The following ADGRF3 variants were observed in gnomAD, a reference collection of about 807,000 sequenced individuals.
ADGRF3 encodes the protein adhesion G protein-coupled receptor F3.
In ADGRF3, 85 loss-of-function variants were observed where a neutral mutation model predicts 93.2. The ratio of observed to expected loss-of-function variants is 0.91; its 90% CI spans 0.77 to 1.09. The LOEUF (loss-of-function observed/expected upper bound fraction) is 1.09, where lower values mean the gene tolerates loss of function less well. Ranked by LOEUF, ADGRF3 falls within the 50% of genes least tolerant of loss-of-function variation. The probability of loss-of-function intolerance (pLI) is 0.00; values close to 1 mark genes in which losing one functional copy is unlikely to be tolerated. For missense variants in ADGRF3, 1,125 were observed against 1,246.2 expected, an observed-to-expected ratio of 0.90 and a Z score of 1.46; for synonymous variants, 534 against 532.5, an observed-to-expected ratio of 1.00 and a Z score of -0.04.
intron 1 of ADGRF3, among the ~76,000 whole-genome samples, chr2:26,343,199 T>C (rs1676486640): frequency 6.6e-6 from 1 of 152,152 alleles, no homozygotes; most frequent in Admixed American, 6.5e-5. Flanking sequence ...GGACCACATG[T>C]GGTCCCTCAT....
intron 1 of ADGRF3, chr2:26,319,080 G>T (rs1276833629): frequency 6.5e-7 from 1 of 1,531,828 alleles, no homozygotes; most frequent in South Asian, 1.2e-5. Flanking sequence ...ACAAGCCCAC[G>T]ATGCAAATTT....
chr2:26,343,077 T>C (rs1438124404), intron 1 of ADGRF3, among the ~76,000 whole-genome samples: 2 of 152,166 alleles, frequency 1.3e-5, no homozygotes, highest in Non-Finnish European at 2.9e-5. Context: ...GCGCGGTAGG[T>C]TTGTTTACAC....
rs757002380 is a variant in ADGRF3, at chr2:26,346,193, G to T, written c.42C>A (p.Pro14=). ...RKLSAHSAAT[P]GYKAVTHKHH... ...GCTTGTGTGTCACAGCCTTGTAGCC[G>T]GGAGTCGCTGCCGAGTGGGCGCTCA... The change falls in exon 1 of 14, where the codon CCC becomes CCA. Residue 14 remains proline (P), a synonymous_variant. Coordinates refer to ENST00000651242, the MANE Select transcript of ADGRF3 (RefSeq NM_001321971.2). The T allele has an allele frequency of 1.5e-5, 25 of 1,613,138 alleles. No homozygotes were observed. Among genetic ancestry groups the T allele is most frequent in the Non-Finnish European group, 2.0e-5 (24 of 1,179,540 alleles).
In ADGRF3 at chr2:26,311,642, C is replaced by G; in HGVS notation, c.1882G>C (p.Ala628Pro). The change falls in exon 10 of 14, where the codon GCC (alanine) becomes CCC (proline). Residue 628 changes from alanine to proline, a missense_variant. Ala to Pro is a conservative substitution (Grantham distance 27). Coordinates refer to ENST00000651242, the MANE Select transcript of ADGRF3 (RefSeq NM_001321971.2). ...LVISIMAGDR[A>P]FSQGEVIMDF... ...ATGATGACCTCTCCCTGGCTGAAGGCCCGGTCACCTGCCATGATGGAAATG... is the reference window on the plus strand; with the variant it reads ...ATGATGACCTCTCCCTGGCTGAAGGGCCGGTCACCTGCCATGATGGAAATG... 6.2e-7 allele frequency: 1 copy of G among 1,613,424 alleles called. No homozygotes were observed. The highest frequency in any genetic ancestry group is 8.5e-7 in the Non-Finnish European group (1 of 1,179,898).
intron 1 of ADGRF3, among the ~76,000 whole-genome samples, chr2:26,332,465 C>A (rs932624384): frequency 1.3e-5 from 2 of 152,216 alleles, no homozygotes; most frequent in Non-Finnish European, 2.9e-5. Context: ...TTAGGCCAGG[C>A]ATGGTGGCTC....
intron 6 of ADGRF3, 110 bp from the exon 7 acceptor site, chr2:26,314,013 G>T: frequency 7.2e-7 from 1 of 1,389,032 alleles, no homozygotes; most frequent in Non-Finnish European, 9.9e-7. Context: ...AACAGAGGAA[G>T]CAGTGGGGAA....
chr2:26,338,961 T>C (rs1281648377), intron 1 of ADGRF3, among the ~76,000 whole-genome samples: 7 of 147,886 alleles, frequency 4.7e-5, no homozygotes, highest in Admixed American at 1.4e-4. Context: ...CATGGTGAAA[T>C]CCTGTCTCTA....
intron 1 of ADGRF3, among the ~76,000 whole-genome samples, chr2:26,327,610 G>A (rs1230074690): frequency 6.6e-6 from 1 of 150,860 alleles, no homozygotes; most frequent in Admixed American, 6.6e-5. Context: ...AGAAGTCCAA[G>A]GTTGAGGGGC....
At chr2:26,309,404 C>T (rs1261516281) in intron 13 of ADGRF3, 122 bp downstream of exon 13, 3 of 1,530,258 alleles carry the variant, frequency 2.0e-6, no homozygotes, top group Non-Finnish European at 2.6e-6. Context: ...GTTTCCTACC[C>T]TTTGGTGTGG....
rs565840708 is a variant in ADGRF3, at chr2:26,324,776, A to G, written c.115-7214T>C. On this transcript the variant is annotated intron_variant, in intron 1 of 13. Transcript: ENST00000651242. The stretch of plus-strand genomic sequence containing the variant: ...TTTTGCTACTATGAACAGTGCTGCA[A>G]TGAACATCCACATGCATATGTCTTT... Among the ~76,000 whole-genome samples, 28 of 152,360 alleles carry G rather than the reference A, an allele frequency of 1.8e-4. 1 individual carries two copies. The South Asian group carries it at 5.2e-3, about 28-fold the overall frequency.
At chr2:26,319,619 C>CCT (rs1675026410) in intron 1 of ADGRF3, among the ~76,000 whole-genome samples, 1 of 58,580 alleles carries the variant, frequency 1.7e-5, no homozygotes, top group Non-Finnish European at 3.4e-5. Flanking sequence ...TCCTTCCTTT[C>CCT]TTTCTTTGTT....
rs1205123780 is a variant in ADGRF3, at chr2:26,346,350, G to C, written c.-116C>G. The C allele has an allele frequency of 1.3e-6, 2 of 1,540,464 alleles. No individual in the cohort carries two copies. Among genetic ancestry groups the C allele is most frequent in the Admixed American group, 3.8e-5 (2 of 52,302 alleles). On this transcript the variant is annotated 5_prime_UTR_variant, in exon 1 of 14. Transcript: ENST00000651242. ...CCGGCCTCGCCCAGGCGGCTGAGGG[G>C]CCCGCGCGGCGCGGTCCGTGTCACC... is the stretch of plus-strand genomic sequence containing the variant.
chr2:26,337,420 C>G (rs1676117124), intron 1 of ADGRF3, among the ~76,000 whole-genome samples: 1 of 152,138 alleles, frequency 6.6e-6, no homozygotes, highest in Non-Finnish European at 1.5e-5. Context: ...ATATGGAGAA[C>G]AGTGTGAAAT....
At chr2:26,319,687 TTCTC>T (rs750614389) in intron 1 of ADGRF3, among the ~76,000 whole-genome samples, 5 of 151,218 alleles carry the variant, frequency 3.3e-5, no homozygotes, top group African/African-American at 4.9e-5. Flanking sequence ...CTTTCCTTCT[TTCTC>T]TCTCTCTCGC....
At chr2:26,315,305 A>G (rs886619862) in intron 5 of ADGRF3, among the ~76,000 whole-genome samples, 2 of 152,148 alleles carry the variant, frequency 1.3e-5, no homozygotes, top group African/African-American at 4.8e-5. Flanking sequence ...AATTTTCCAC[A>G]TTGCAATTTT....
chr2:26,334,978 C>A (rs1675956887), intron 1 of ADGRF3, among the ~76,000 whole-genome samples: 1 of 152,062 alleles, frequency 6.6e-6, no homozygotes, highest in Non-Finnish European at 1.5e-5. Flanking sequence ...TTATTTTGTG[C>A]TTTGCTTTTT....
chr2:26,310,259 T>C, intron 10 of ADGRF3, 22 bp from the exon 11 acceptor site: 2 of 1,613,816 alleles, frequency 1.2e-6, no homozygotes, highest in South Asian at 2.2e-5. Flanking sequence ...GACATGGGGA[T>C]AAGCTGGTCA....
At chr2:26,331,402 T>G (rs917360473) in intron 1 of ADGRF3, among the ~76,000 whole-genome samples, 9 of 152,234 alleles carry the variant, frequency 5.9e-5, no homozygotes, top group East Asian at 1.9e-4. Context: ...ACACAAAAAT[T>G]AGCTGGGCGG....
In ADGRF3 at chr2:26,309,083, G is replaced by A. The variant is rs1485948300; in HGVS notation, c.*3C>T. 2 of 1,613,912 alleles carry A rather than the reference G, an allele frequency of 1.2e-6. No individual in the cohort carries two copies. The highest frequency in any genetic ancestry group is 2.2e-5 in the East Asian group (1 of 44,894). Reference sequence around the variant, plus strand: ...CTTGCAGGAACATGGGTCCGTGTGTGGTTCACTCTGAAGCATCTGTCTTCC... The same window carrying A: ...CTTGCAGGAACATGGGTCCGTGTGTAGTTCACTCTGAAGCATCTGTCTTCC... On this transcript the variant is annotated 3_prime_UTR_variant, in exon 14 of 14. Transcript: ENST00000651242.
Sources: allele counts gnomAD v4.1 joint callset (sites outside exome capture counted in the v4.1 genomes callset), GRCh38; gene constraint gnomAD v4.1.1; transcripts MANE v1.5; gene names NCBI Gene and HGNC (gene_info 2026-07-23, HGNC 2026-07-21).